Variants in DOCK6 observed in about 807,000 individuals in gnomAD.
The protein encoded by DOCK6 is dedicator of cytokinesis 6, also known as dedicator of cytokinesis protein 6.
DOCK6 carries 167 observed loss-of-function variants against 230.3 expected under a neutral mutation model. That is an observed-to-expected ratio of 0.73 (90% CI 0.64 to 0.82). DOCK6 has a LOEUF of 0.82. DOCK6 is among the 40% of genes least tolerant of loss of function. The probability of loss-of-function intolerance (pLI) is 0.00; values close to 1 mark genes in which losing one functional copy is unlikely to be tolerated. For synonymous variants in DOCK6, 1,148 were observed against 1,185.0 expected (o/e 0.97, Z 0.64); for missense variants, 2,598 against 2,825.8 (o/e 0.92, Z 1.83).
chr19:11,215,491 G>T lies in DOCK6; in HGVS notation c.4022-20C>A, dbSNP rs764016967. The T allele has an allele frequency of 6.2e-7, 1 of 1,600,392 alleles. No individual in the cohort carries two copies. The highest frequency in any genetic ancestry group is 8.6e-7 in the Non-Finnish European group (1 of 1,169,062). On this transcript the variant is annotated intron_variant, in intron 31 of 47. Coordinates refer to ENST00000294618, the MANE Select transcript of DOCK6 (RefSeq NM_020812.4). ...TCCTCTCTGAGACGCGTGGGTGCAC[G>T]ATCACAGATGCGTAAAAACACAGGG...
intron 16 of DOCK6, 64 bp from the exon 17 acceptor site, chr19:11,237,843 C>T: frequency 6.6e-7 from 1 of 1,513,888 alleles, no homozygotes; most frequent in Non-Finnish European, 9.0e-7. Flanking sequence ...CCCATCACCT[C>T]TGCCATGCCA....
At chr19:11,239,986 T>A in intron 14 of DOCK6, 1 of 1,552,208 alleles carries the variant, frequency 6.4e-7, no homozygotes, top group Non-Finnish European at 8.7e-7. Flanking sequence ...CAAAGAGGAG[T>A]TCGTGTCTAG....
intron 34 of DOCK6, 35 bp from the exon 35 acceptor site, chr19:11,213,363 C>T: frequency 6.3e-7 from 1 of 1,594,668 alleles, no homozygotes; most frequent in Non-Finnish European, 8.5e-7. Flanking sequence ...ACTGTCCAGC[C>T]CCTCCCCGTT....
rs2079987020 is a variant in DOCK6, at chr19:11,243,683, G to A, written c.1132C>T (p.Leu378=). The A allele has an allele frequency of 3.7e-6, 6 of 1,613,526 alleles. No homozygotes were observed. The highest frequency in any genetic ancestry group is 3.3e-5 in the South Asian group (3 of 91,058). The change falls in exon 11 of 48, where the codon CTG becomes TTG. Residue 378 remains leucine (L), a synonymous_variant. Coordinates refer to ENST00000294618, the MANE Select transcript of DOCK6 (RefSeq NM_020812.4). This position sits in a 1 kb window ranked among gnomAD's most constrained non-coding sequence, Gnocchi z 6.3. Reference sequence around the variant, plus strand: ...CGGGTGCAGAACTGCTCGGCCGCCAGGCGCAGCTTCTCTAGCTTCTCTTTG... The same window carrying A: ...CGGGTGCAGAACTGCTCGGCCGCCAAGCGCAGCTTCTCTAGCTTCTCTTTG... The part of the protein sequence containing the change: ...KNKEKLEKLR[L]AAEQFCTRLG...
chr19:11,208,544 G>T, intron 39 of DOCK6, 142 bp downstream of exon 39: 1 of 1,224,542 alleles, frequency 8.2e-7, no homozygotes, highest in Non-Finnish European at 1.1e-6. Flanking sequence ...CTCCCAAAGT[G>T]CTGGGGTTAC....
In DOCK6 at chr19:11,221,937, G is replaced by T; in HGVS notation, c.3464C>A (p.Ala1155Asp). The stretch of plus-strand genomic sequence containing the variant: ...CTCGGCCACACGAGCCTTCACAGTG[G>T]CCTCGGCGTAGCGGGGGTCAGTGTC... ...GHDTDPRYAE[A>D]TVKARVAELY... The change falls in exon 28 of 48, where the codon GCC becomes GAC. Residue 1155 changes from alanine to aspartate, a missense_variant. Transcript: ENST00000294618. 2 of 1,613,772 alleles carry T rather than the reference G, an allele frequency of 1.2e-6. No homozygotes were observed. Among genetic ancestry groups the T allele is most frequent in the Non-Finnish European group, 1.7e-6 (2 of 1,179,892 alleles).
At chr19:11,213,384 AGG>A in intron 34 of DOCK6, 56 bp from the exon 35 acceptor site, 1 of 1,571,650 alleles carries the variant, frequency 6.4e-7, no homozygotes, top group Non-Finnish European at 8.6e-7. Context: ...CTGGCTCAGA[AGG>A]GGACTGGCCC....
At position 11,240,275 on chromosome 19, in the gene DOCK6, C is replaced by A. The variant is rs749170186; in HGVS notation, c.1643+1770G>T. ...GGAGCGCCTGGCTGGGCCCTGCCTA[C>A]CGAGAATTTGAGGTCTTAAAGGTAA... On this transcript the variant is annotated intron_variant, in intron 14 of 47. Coordinates refer to ENST00000294618, the MANE Select transcript of DOCK6 (RefSeq NM_020812.4). The A allele has an allele frequency of 6.9e-6, 11 of 1,582,946 alleles. No individual in the cohort carries two copies. In the East Asian group the frequency reaches 2.1e-4, roughly 30 times the overall value.
At position 11,237,767 on chromosome 19, in the gene DOCK6, G is replaced by C. The variant is rs763348704; in HGVS notation, c.1845C>G (p.Phe615Leu). 204 of 1,567,806 alleles carry C rather than the reference G, an allele frequency of 1.3e-4. No individual in the cohort carries two copies. Among genetic ancestry groups the C allele is most frequent in the Non-Finnish European group, 1.6e-4 (182 of 1,156,864 alleles). Residue 615 changes from phenylalanine to leucine, a missense_variant, in exon 17 of 48, where the codon TTC (phenylalanine) becomes TTG (leucine). By Grantham distance (22) the Phe-to-Leu change is conservative. Transcript: ENST00000294618. ...GAAGATGCAGCTTGAACTCCTCGTA[G>C]AACTCGGGGGACCTGGCAGAATCGG... ...PVVYHNKSPE[F>L]YEEFKLHLPA...
At chr19:11,204,654 C>T (rs2079227925) in intron 39 of DOCK6, among the ~76,000 whole-genome samples, 1 of 152,092 alleles carries the variant, frequency 6.6e-6, no homozygotes, top group African/African-American at 2.4e-5. Context: ...ATGCTCCCAC[C>T]CTAGCCTCCC....
chr19:11,213,983 G>A (rs1357369374), intron 34 of DOCK6, among the ~76,000 whole-genome samples: 2 of 151,646 alleles, frequency 1.3e-5, no homozygotes, highest in Non-Finnish European at 2.9e-5. Flanking sequence ...GGGTCTCACC[G>A]TGTTGCCCAG....
chr19:11,217,392 C>T lies in DOCK6; in HGVS notation c.3551-1G>A. The T allele has an allele frequency of 6.2e-7, 1 of 1,612,332 alleles. No individual in the cohort carries two copies. The highest frequency in any genetic ancestry group is 1.1e-5 in the South Asian group (1 of 90,754). ...AGTCTTGACCGCTGACCTGGGCCCT[C>T]TGGCAGGGAAAGACAGAGGGAAAGA... is the stretch of plus-strand genomic sequence containing the variant. On this transcript the variant is annotated splice_acceptor_variant, in intron 28 of 47. Coordinates refer to ENST00000294618, the MANE Select transcript of DOCK6 (RefSeq NM_020812.4). LOFTEE classifies it high-confidence loss of function.
chr19:11,234,256 C>A (rs987625234), intron 21 of DOCK6, among the ~76,000 whole-genome samples: 2 of 151,742 alleles, frequency 1.3e-5, no homozygotes, highest in African/African-American at 4.8e-5. Context: ...ACTCAGCCTC[C>A]CAAAGTGCTG....
chr19:11,211,680 C>T lies in DOCK6; in HGVS notation c.4751+96G>A, dbSNP rs2079388538. ...GTTAGGGACTGTATGCTCCCCTGCT[C>T]CCTCCTCACCTCCTTAGACATCTAC... On this transcript the variant is annotated intron_variant, in intron 37 of 47. Transcript: ENST00000294618. 27 of 993,306 alleles carry T rather than the reference C, an allele frequency of 2.7e-5. 1 individual carries two copies. The South Asian group carries it at 3.8e-4, about 14-fold the overall frequency. 61.5% of individuals were successfully genotyped at this position (993,306 alleles called of 1,614,324 possible). A position where few individuals can be genotyped will look rare whatever the true frequency, so the allele number is the denominator to read the frequency against.
rs748482220 is a variant in DOCK6 at position 11,235,874 on chromosome 19, CA to C, written c.2393-116del. ...GGATCATGTGCTCATTAAGGGGTCA[CA>C]AATTTTTTTTTTTTTTTTTTTTTGA... On this transcript the variant is annotated intron_variant, in intron 20 of 47. Coordinates refer to ENST00000294618, the MANE Select transcript of DOCK6 (RefSeq NM_020812.4). 1.2e-3 allele frequency: 1,092 copies of C among 924,340 alleles called. 7 individuals are homozygous for C. The African/African-American group carries it at 0.017, about 15-fold the overall frequency. 57.3% of individuals were successfully genotyped at this position (924,340 alleles called of 1,614,324 possible).
intron 22 of DOCK6, 34 bp from the exon 23 acceptor site, chr19:11,229,069 G>A: frequency 6.3e-7 from 1 of 1,595,292 alleles, no homozygotes; most frequent in Non-Finnish European, 8.6e-7. Context: ...AGAGTGCGAG[G>A]TGCCACCCCT....
intron 7 of DOCK6, 131 bp downstream of exon 7, chr19:11,247,935 C>A (rs2080060094): frequency 2.8e-6 from 2 of 719,486 alleles, no homozygotes; most frequent in African/African-American, 1.7e-5. Context: ...CCCATAAAAG[C>A]CCATACATAG....
At chr19:11,218,767 A>G (rs1034918761) in intron 28 of DOCK6, among the ~76,000 whole-genome samples, 1 of 150,764 alleles carries the variant, frequency 6.6e-6, no homozygotes, top group African/African-American at 2.4e-5. Flanking sequence ...TTACTATAGC[A>G]TCAATCAGCA....
intron 13 of DOCK6, 149 bp from the exon 14 acceptor site, chr19:11,242,356 C>G (rs1305150929): frequency 1.2e-6 from 1 of 809,336 alleles, no homozygotes; most frequent in African/African-American, 1.8e-5. Context: ...AGAAATTGCC[C>G]TCAACTCTGC....
Sources: gnomAD v4.1 joint callset for allele counts (sites outside exome capture counted in the v4.1 genomes callset) on GRCh38, gnomAD v4.1.1 for gene constraint, Gnocchi (gnomAD v3.1) non-coding constraint, MANE v1.5 for transcripts, NCBI Gene and HGNC (gene_info 2026-07-23, HGNC 2026-07-21) for gene names.